The following ARHGAP6 variants were observed in gnomAD, a reference collection of about 807,000 sequenced individuals.
ARHGAP6 encodes the protein Rho GTPase activating protein 6.
A neutral mutation model predicts 55.7 loss-of-function variants in ARHGAP6; 16 were observed. The ratio of observed to expected loss-of-function variants is 0.29; its 90% CI spans 0.19 to 0.44. The LOEUF is 0.44. Among genes scored for constraint, ARHGAP6 ranks in the 20% least tolerant of loss-of-function variants. ARHGAP6 has a pLI of 1.00. For missense variants in ARHGAP6, 698 were observed against 808.9 expected (o/e 0.86, Z 1.66); for synonymous variants, 382 against 360.9 (o/e 1.06, Z -0.66).
chrX:11,516,616 G>A (rs2050843742), intron 1 of ARHGAP6, among the ~76,000 whole-genome samples: 1 of 112,237 alleles, frequency 8.9e-6, no homozygotes, highest in African/African-American at 3.2e-5. Context: ...CTTACTCGTT[G>A]TAGCAATACT....
At chrX:11,152,050 G>A (rs2045788472) in intron 10 of ARHGAP6, among the ~76,000 whole-genome samples, 1 of 111,995 alleles carries the variant, frequency 8.9e-6, no homozygotes, top group Non-Finnish European at 1.9e-5. Flanking sequence ...GCAAATTGGT[G>A]ATGTTTATGA....
At chrX:11,607,698 C>CTTATTG (rs1458713073) in intron 1 of ARHGAP6, among the ~76,000 whole-genome samples, 2 of 112,260 alleles carry the variant, frequency 1.8e-5, no homozygotes, top group Admixed American at 9.4e-5. Flanking sequence ...TTATTGTTGG[C>CTTATTG]TTGGTTACTG....
chrX:11,564,837 T>G (rs1242602706), intron 1 of ARHGAP6, among the ~76,000 whole-genome samples: 4 of 111,984 alleles, frequency 3.6e-5, no homozygotes, highest in Non-Finnish European at 7.5e-5. Flanking sequence ...GTTGTTCTAC[T>G]ACTCCTGGCC....
At chrX:11,537,323 C>T (rs1189379713) in intron 1 of ARHGAP6, among the ~76,000 whole-genome samples, 1 of 111,838 alleles carries the variant, frequency 8.9e-6, no homozygotes, top group Non-Finnish European at 1.9e-5. Flanking sequence ...CTACTGGTAT[C>T]AAGTGGGCAG....
chrX:11,268,524 C>T (rs2047654576), intron 1 of ARHGAP6, among the ~76,000 whole-genome samples: 1 of 111,788 alleles, frequency 8.9e-6, no homozygotes, highest in Non-Finnish European at 1.9e-5. Context: ...GCTCATGAAG[C>T]CCGTAGCCCC....
At chrX:11,195,132 G>T (rs1483483964) in intron 3 of ARHGAP6, among the ~76,000 whole-genome samples, 1 of 110,997 alleles carries the variant, frequency 9.0e-6, no homozygotes, top group South Asian at 3.8e-4. Flanking sequence ...GGCGGGAGGA[G>T]CACGAGGTCA....
chrX:11,302,064 A>G (rs2048181303), intron 1 of ARHGAP6, among the ~76,000 whole-genome samples: 1 of 112,385 alleles, frequency 8.9e-6, no homozygotes, highest in Non-Finnish European at 1.9e-5. Context: ...ATACTCTAAT[A>G]CTTGCACTGT....
intron 1 of ARHGAP6, among the ~76,000 whole-genome samples, chrX:11,415,901 A>G (rs768666710): frequency 8.9e-6 from 1 of 111,791 alleles, no homozygotes; most frequent in East Asian, 2.8e-4. Flanking sequence ...ACCGACCCAC[A>G]GATCCACTAG....
chrX:11,514,464 G>A (rs2050816403), intron 1 of ARHGAP6, among the ~76,000 whole-genome samples: 1 of 109,862 alleles, frequency 9.1e-6, no homozygotes, highest in Admixed American at 9.8e-5. Context: ...AGGATGTTCA[G>A]CAGTATCCCT....
intron 1 of ARHGAP6, among the ~76,000 whole-genome samples, chrX:11,263,589 T>G (rs1015741742): frequency 9.0e-6 from 1 of 111,454 alleles, no homozygotes; most frequent in Non-Finnish European, 1.9e-5. Flanking sequence ...GAGTGCTGCA[T>G]GAGCTACCAG....
intron 1 of ARHGAP6, among the ~76,000 whole-genome samples, chrX:11,382,247 T>C (rs1414399339): frequency 9.0e-6 from 1 of 111,675 alleles, no homozygotes; most frequent in African/African-American, 3.3e-5. Context: ...CATTTACTTA[T>C]TAAAATTTTA....
chrX:11,406,646 T>C (rs1031150534), intron 1 of ARHGAP6, among the ~76,000 whole-genome samples: 1 of 111,594 alleles, frequency 9.0e-6, no homozygotes, highest in Admixed American at 9.5e-5. Context: ...TCCCAGCATG[T>C]TGGCCCTGAT....
chrX:11,358,485 CTTTTTTTT>C (rs1555998517), intron 1 of ARHGAP6, among the ~76,000 whole-genome samples: 1 of 39,506 alleles, frequency 2.5e-5, no homozygotes, highest in Non-Finnish European at 4.6e-5. Context: ...TTCTTTCTTT[CTTTTTTTT>C]TTTTTGACAG....
chrX:11,641,979 A>G (rs1327067832), intron 1 of ARHGAP6, among the ~76,000 whole-genome samples: 1 of 111,739 alleles, frequency 8.9e-6, no homozygotes, highest in Non-Finnish European at 1.9e-5. Flanking sequence ...AAACATCCAG[A>G]GTTTTTCTAC....
chrX:11,564,878 G>A (rs2051426371), intron 1 of ARHGAP6, among the ~76,000 whole-genome samples: 2 of 111,852 alleles, frequency 1.8e-5, no homozygotes, highest in South Asian at 3.7e-4. Flanking sequence ...CTGGCTGGAT[G>A]GAGCACCTCC....
chrX:11,520,436 T>C (rs1440241188), intron 1 of ARHGAP6, among the ~76,000 whole-genome samples: 2 of 107,340 alleles, frequency 1.9e-5, no homozygotes, highest in Non-Finnish European at 3.8e-5. Flanking sequence ...CTTGCGATAG[T>C]TTGCTGAGAA....
intron 1 of ARHGAP6, among the ~76,000 whole-genome samples, chrX:11,599,095 T>G (rs954461567): frequency 9.0e-6 from 1 of 111,255 alleles, no homozygotes; most frequent in Admixed American, 9.6e-5. Context: ...AGCTATTTAT[T>G]TTCAGACTGA....
chrX:11,398,262 T>TAAAAAA (rs60548732), intron 1 of ARHGAP6, among the ~76,000 whole-genome samples: 2 of 58,819 alleles, frequency 3.4e-5, no homozygotes, highest in Non-Finnish European at 3.5e-5. Context: ...GTAAGTGCTA[T>TAAAAAA]AAAAAAAAAA....
Position 11,349,607 on chromosome X carries a change from G to T in ARHGAP6, c.589-94900C>A, listed in dbSNP as rs183156026. Among the ~76,000 whole-genome samples the T allele has an allele frequency of 9.8e-5, 11 of 111,874 alleles. No individual in the cohort carries two copies. In the Admixed American group the frequency reaches 1.0e-3, roughly 11 times the overall value. Reference sequence around the variant, plus strand: ...ATCTAAATAAAATAGACATTTCAAAGTATATGTTGAGGCATCCACTGAAGA... The same window carrying T: ...ATCTAAATAAAATAGACATTTCAAATTATATGTTGAGGCATCCACTGAAGA... On this transcript the variant is annotated intron_variant, in intron 1 of 12. Transcript: ENST00000337414.
Sources: gnomAD v4.1 joint callset for allele counts (sites outside exome capture counted in the v4.1 genomes callset) on GRCh38, gnomAD v4.1.1 for gene constraint, MANE v1.5 for transcripts, NCBI Gene and HGNC (gene_info 2026-07-23, HGNC 2026-07-21) for gene names.